Variants in AADACL3 observed in about 807,000 individuals in gnomAD.
AADACL3 encodes the protein arylacetamide deacetylase like 3.
A neutral mutation model predicts 13.6 loss-of-function variants in AADACL3; 13 were observed. The observed-to-expected ratio is 0.95, with a 90% confidence interval of 0.62 to 1.52. AADACL3 has a LOEUF of 1.52. Among genes scored for constraint, AADACL3 ranks in the 40% most tolerant of loss-of-function variants. AADACL3 has a pLI of 0.00. For synonymous variants in AADACL3, 195 were observed against 197.0 expected (o/e 0.99, Z 0.08); for missense variants, 519 against 499.2 (o/e 1.04, Z -0.38).
intron 3 of AADACL3, among the ~76,000 whole-genome samples, chr1:12,724,453 A>G (rs1338553645): frequency 6.6e-6 from 1 of 152,162 alleles, no homozygotes; most frequent in Non-Finnish European, 1.5e-5. Flanking sequence ...TAATGAAACA[A>G]TGTTGAATGA....
At chr1:12,723,850 C>G (rs918608392) in intron 3 of AADACL3, among the ~76,000 whole-genome samples, 15 of 150,648 alleles carry the variant, frequency 1.0e-4, no homozygotes, top group Admixed American at 3.3e-4. Flanking sequence ...AGAGCGCGAT[C>G]TCGGCTCACC....
intron 1 of AADACL3, among the ~76,000 whole-genome samples, chr1:12,717,290 T>C (rs544970186): frequency 6.6e-6 from 1 of 152,288 alleles, no homozygotes; most frequent in South Asian, 2.1e-4. Flanking sequence ...GATGCAGTGA[T>C]TGGGTCCTAG....
At chr1:12,717,223 C>T (rs761796697) in intron 1 of AADACL3, among the ~76,000 whole-genome samples, 15 of 152,228 alleles carry the variant, frequency 9.9e-5, no homozygotes, top group Non-Finnish European at 1.3e-4. Flanking sequence ...GTAGCTATTA[C>T]CTAAAAGAGA....
chr1:12,719,774 TA>T, intron 2 of AADACL3, 83 bp downstream of exon 2: 1 of 1,361,084 alleles, frequency 7.3e-7, no homozygotes, highest in South Asian at 1.2e-5. Context: ...TCCTGGGACT[TA>T]AAGTATGCTA....
At chr1:12,724,547 T>C (rs1557571954) in intron 3 of AADACL3, among the ~76,000 whole-genome samples, 1 of 151,884 alleles carries the variant, frequency 6.6e-6, no homozygotes, top group Non-Finnish European at 1.5e-5. Flanking sequence ...TGCAGTGGCA[T>C]GGTCACAGCT....
At chr1:12,722,033 A>C (rs1638270673) in intron 3 of AADACL3, among the ~76,000 whole-genome samples, 1 of 152,218 alleles carries the variant, frequency 6.6e-6, no homozygotes. Flanking sequence ...TGAGGTGAGT[A>C]GAAAACGAAG....
rs770263359 is a variant in AADACL3, at chr1:12,716,293, C to A, written c.117C>A (p.His39Gln). 1 of 1,614,050 alleles carries A rather than the reference C, an allele frequency of 6.2e-7. No homozygotes were observed. Among genetic ancestry groups the A allele is most frequent in the Admixed American group, 1.7e-5 (1 of 60,030 alleles). ...TGCACATCCCTGCAGCGGTTGGCCA[C>A]CCTGTGAAACTGAGAGTCCTCCATT... ...FTVHIPAAVG[H>Q]PVKLRVLHCI... The change falls in exon 1 of 4, where the codon CAC becomes CAA. Residue 39 changes from histidine (H) to glutamine (Q), a missense_variant. By Grantham distance (24) the His-to-Gln change is conservative (BLOSUM62 0). Transcript: ENST00000359318.
chr1:12,725,254 T>C lies in AADACL3; in HGVS notation c.482T>C (p.Val161Ala). ...AAGTTACCTAAGCATAAGTTTCCAG[T>C]GCCAGTAAGAGACTGCTTGGTGGCC... Reference protein sequence around the residue: ...YRKLPKHKFPVPVRDCLVATI... With the variant: ...YRKLPKHKFPAPVRDCLVATI... Residue 161 changes from valine (V) to alanine (A), a missense_variant, in exon 4 of 4, where the codon GTG becomes GCG. By Grantham distance (64) the Val-to-Ala change is moderately conservative (BLOSUM62 0). Transcript: ENST00000359318. 1 of 1,608,188 alleles carries C rather than the reference T, an allele frequency of 6.2e-7. No individual in the cohort carries two copies. Among genetic ancestry groups the C allele is most frequent in the South Asian group, 1.1e-5 (1 of 89,936 alleles).
chr1:12,724,911 G>A (rs1638334810), intron 3 of AADACL3, among the ~76,000 whole-genome samples: 1 of 152,220 alleles, frequency 6.6e-6, no homozygotes, highest in East Asian at 1.9e-4. Context: ...AGCAGGAGCA[G>A]GTGAGTCAGG....
At position 12,720,930 on chromosome 1, in the gene AADACL3, G is replaced by A. The variant is rs567249050; in HGVS notation, c.433G>A (p.Val145Met). ...CSRLCKESDSVVLAVGYRKLP... is the reference protein window; with the variant it reads ...CSRLCKESDSMVLAVGYRKLP... ...TCGTTTGTGCAAGGAGAGTGACTCC[G>A]TGGTTCTGGCAGTTGGGTGAGTAAA... Residue 145 changes from valine to methionine, a missense_variant, in exon 3 of 4, where the codon GTG (valine) becomes ATG (methionine). By Grantham distance (21) the Val-to-Met change is conservative. Coordinates refer to ENST00000359318, the MANE Select transcript of AADACL3 (RefSeq NM_001103170.3). The A allele has an allele frequency of 1.3e-5, 21 of 1,610,644 alleles. No individual in the cohort carries two copies. The highest frequency in any genetic ancestry group is 1.7e-4 in the Middle Eastern group (1 of 6,040).
At chr1:12,719,851 T>C (rs771592368) in intron 2 of AADACL3, among the ~76,000 whole-genome samples, 160 bp downstream of exon 2, 1 of 152,192 alleles carries the variant, frequency 6.6e-6, no homozygotes, top group African/African-American at 2.4e-5. Context: ...AAATATGGCA[T>C]ATATTGCCCT....
chr1:12,718,596 A>T (rs3000856), intron 1 of AADACL3, among the ~76,000 whole-genome samples: 22,004 of 151,974 alleles, frequency 0.14, 1,661 homozygotes, highest in East Asian at 0.25. Context: ...TCTAGGGTTC[A>T]AGAGATTCTT....
Position 12,725,844 on chromosome 1 carries a change from A to G in AADACL3, c.1072A>G (p.Lys358Glu), listed in dbSNP as rs989787056. 1 of 1,614,192 alleles carries G rather than the reference A, an allele frequency of 6.2e-7. No homozygotes were observed. The highest frequency in any genetic ancestry group is 8.5e-7 in the Non-Finnish European group (1 of 1,180,028). ...CCGGGACAATTCACTGTTGTACAAGAAAAGGCTGGAAGACCTGGGAGTGCC... is the reference window on the plus strand; with the variant it reads ...CCGGGACAATTCACTGTTGTACAAGGAAAGGCTGGAAGACCTGGGAGTGCC... Reference protein sequence around the residue: ...ALRDNSLLYKKRLEDLGVPVT... With the variant: ...ALRDNSLLYKERLEDLGVPVT... Residue 358 changes from lysine to glutamate, a missense_variant, in exon 4 of 4, where the codon AAA (lysine) becomes GAA (glutamate). Transcript: ENST00000359318.
In AADACL3 at chr1:12,719,606, G is replaced by T; in HGVS notation, c.300G>T (p.Lys100Asn). 1 of 1,614,174 alleles carries T rather than the reference G, an allele frequency of 6.2e-7. No individual in the cohort carries two copies. The highest frequency in any genetic ancestry group is 8.5e-7 in the Non-Finnish European group (1 of 1,180,028). ...TDFRFGTIPV[K>N]LYQPKASTCT... ...TCCGCTTTGGGACAATCCCTGTGAA[G>T]CTGTACCAACCCAAGGCATCCACCT... The change falls in exon 2 of 4, where the codon AAG becomes AAT. Residue 100 changes from lysine (K) to asparagine (N), a missense_variant. Coordinates refer to ENST00000359318, the MANE Select transcript of AADACL3 (RefSeq NM_001103170.3).
chr1:12,716,403 A>C, intron 1 of AADACL3, 59 bp downstream of exon 1: 1 of 1,608,260 alleles, frequency 6.2e-7, no homozygotes, highest in East Asian at 2.2e-5. Context: ...CGGCAGGAAA[A>C]ATCACACACC....
chr1:12,723,675 CA>C (rs1638309480), intron 3 of AADACL3, among the ~76,000 whole-genome samples: 1 of 151,688 alleles, frequency 6.6e-6, no homozygotes, highest in Non-Finnish European at 1.5e-5. Flanking sequence ...GGCAGGGTTT[CA>C]CCTTGTTGCC....
At chr1:12,723,363 G>T (rs1022600986) in intron 3 of AADACL3, among the ~76,000 whole-genome samples, 1 of 152,058 alleles carries the variant, frequency 6.6e-6, no homozygotes, top group African/African-American at 2.4e-5. Context: ...AAAATTGTCA[G>T]GAGTACCTCT....
chr1:12,725,261 A>G lies in AADACL3; in HGVS notation c.489A>G (p.Val163=). 1 of 1,612,520 alleles carries G rather than the reference A, an allele frequency of 6.2e-7. No homozygotes were observed. Among genetic ancestry groups the G allele is most frequent in the Non-Finnish European group, 8.5e-7 (1 of 1,179,478 alleles). ...CTAAGCATAAGTTTCCAGTGCCAGTAAGAGACTGCTTGGTGGCCACCATCC... is the reference window on the plus strand; with the variant it reads ...CTAAGCATAAGTTTCCAGTGCCAGTGAGAGACTGCTTGGTGGCCACCATCC... ...KLPKHKFPVP[V]RDCLVATIHF... Residue 163 remains valine, a synonymous_variant, in exon 4 of 4, where the codon GTA becomes GTG. Transcript: ENST00000359318.
chr1:12,725,612 G>A lies in AADACL3; in HGVS notation c.840G>A (p.Lys280=), dbSNP rs765975518. Residue 280 remains lysine, a synonymous_variant, in exon 4 of 4, where the codon AAG becomes AAA. Transcript: ENST00000359318. ...GAHLPAEVWE[K]YRKWLGPENI... is the part of the protein sequence containing the mutation. ...ATTTGCCTGCTGAAGTCTGGGAAAA[G>A]TACAGAAAGTGGTTGGGCCCAGAAA... The A allele has an allele frequency of 2.5e-6, 4 of 1,614,092 alleles. No homozygotes were observed. The highest frequency in any genetic ancestry group is 2.5e-6 in the Non-Finnish European group (3 of 1,180,002).
Sources: allele counts gnomAD v4.1 joint callset (sites outside exome capture counted in the v4.1 genomes callset), GRCh38; gene constraint gnomAD v4.1.1; transcripts MANE v1.5; gene names NCBI Gene and HGNC (gene_info 2026-07-23, HGNC 2026-07-21).